Variants in HTR3B observed in about 807,000 individuals in gnomAD.
HTR3B encodes the protein 5-hydroxytryptamine receptor 3B, also known as 5-hydroxytryptamine (serotonin) receptor 3B, ionotropic.
A neutral mutation model predicts 42.8 loss-of-function variants in HTR3B; 44 were observed. That is an observed-to-expected ratio of 1.03 (90% CI 0.81 to 1.32). The LOEUF is 1.32. Among genes scored for constraint, HTR3B ranks in the 40% most tolerant of loss-of-function variants. The pLI is 0.00. For missense variants in HTR3B, 527 were observed against 536.5 expected (o/e 0.98, Z 0.17); for synonymous variants, 203 against 209.0 (o/e 0.97, Z 0.25).
In HTR3B at chr11:113,948,897, G is replaced by T. The variant is rs530912546; in HGVS notation, c.*2760G>T. ...AAAAAAGTTTAAAGTGCTTTGGGAA[G>T]GGGGAGGGATAGCATTAGAAGATAT... On this transcript the variant is annotated 3_prime_UTR_variant, in exon 9 of 9. Transcript: ENST00000260191. 3.3e-5 allele frequency among the ~76,000 whole-genome samples: 5 copies of T among 152,110 alleles called. No homozygotes were observed. In the South Asian group the frequency reaches 8.3e-4, roughly 25 times the overall value.
At chr11:113,929,793 C>G (rs1299126646) in intron 2 of HTR3B, among the ~76,000 whole-genome samples, 1 of 152,138 alleles carries the variant, frequency 6.6e-6, no homozygotes, top group East Asian at 1.9e-4. Flanking sequence ...AGTGCAGTAG[C>G]AGGATCTGGG....
At chr11:113,937,622 G>T (rs1950101612) in intron 6 of HTR3B, among the ~76,000 whole-genome samples, 1 of 152,234 alleles carries the variant, frequency 6.6e-6, no homozygotes, top group African/African-American at 2.4e-5. Flanking sequence ...GAGGTGCAGA[G>T]AAGTTAAGTA....
chr11:113,916,785 AT>A (rs1949858004), intron 2 of HTR3B, among the ~76,000 whole-genome samples: 1 of 152,000 alleles, frequency 6.6e-6, no homozygotes. Flanking sequence ...AGTATTTCAC[AT>A]TTTTTGTTAT....
intron 6 of HTR3B, among the ~76,000 whole-genome samples, chr11:113,934,953 A>G (rs45479092): frequency 0.03 from 4,602 of 151,624 alleles, 123 homozygotes; most frequent in Admixed American, 0.057. Context: ...TGCACACACC[A>G]TTACCTACAC....
rs1032116392 is a variant in HTR3B, at chr11:113,943,014, C to T, written c.729C>T (p.Val243=). The part of the protein sequence containing the change: ...VVMRRHPLVY[V]VSLLIPSIFL... ...TGCGCAGGCACCCCCTGGTCTATGTCGTGAGTCTGCTGATTCCTAGCATCT... is the reference window on the plus strand; with the variant it reads ...TGCGCAGGCACCCCCTGGTCTATGTTGTGAGTCTGCTGATTCCTAGCATCT... Residue 243 remains valine, a synonymous_variant, in exon 7 of 9, where the codon GTC becomes GTT. Coordinates refer to ENST00000260191, the MANE Select transcript of HTR3B (RefSeq NM_006028.5). 9 of 1,613,950 alleles carry T rather than the reference C, an allele frequency of 5.6e-6. No individual in the cohort carries two copies. Among genetic ancestry groups the T allele is most frequent in the Admixed American group, 1.7e-5 (1 of 59,978 alleles).
chr11:113,922,192 T>A (rs147472364), intron 2 of HTR3B, among the ~76,000 whole-genome samples: 1 of 152,270 alleles, frequency 6.6e-6, no homozygotes, highest in African/African-American at 2.4e-5. Flanking sequence ...TCCACTTAAG[T>A]CTGTGTGGAT....
intron 6 of HTR3B, among the ~76,000 whole-genome samples, chr11:113,940,134 G>A (rs547679129): frequency 3.1e-4 from 47 of 152,202 alleles, no homozygotes; most frequent in Non-Finnish European, 5.1e-4. Context: ...TGATCCACCC[G>A]CGTTGGCCTC....
intron 5 of HTR3B, 94 bp from the exon 6 acceptor site, chr11:113,932,842 G>C (rs1173486560): frequency 7.7e-7 from 1 of 1,299,884 alleles, no homozygotes; most frequent in South Asian, 1.3e-5. Flanking sequence ...GGGGGCAGGA[G>C]AACGAGGAAG....
In HTR3B at chr11:113,948,583, A is replaced by C. The variant is rs1001403977; in HGVS notation, c.*2446A>C. On this transcript the variant is annotated 3_prime_UTR_variant, in exon 9 of 9. Transcript: ENST00000260191. ...TGAACAATGCTTTGAAAAGTAAATA[A>C]TGGGGCGTGGTGGCTCACGCCTATA... Among the ~76,000 whole-genome samples the C allele has an allele frequency of 6.6e-6, 1 of 152,194 alleles. No individual in the cohort carries two copies. Among genetic ancestry groups the C allele is most frequent in the African/African-American group, 2.4e-5 (1 of 41,464 alleles).
chr11:113,899,876 C>T (rs1023046489), upstream of HTR3B, among the ~76,000 whole-genome samples: 2 of 152,202 alleles, frequency 1.3e-5, no homozygotes, highest in African/African-American at 4.8e-5. Context: ...CAGGTACTTT[C>T]TTAATGATGG....
In HTR3B at chr11:113,946,701, C is replaced by T. The variant is rs1179457479; in HGVS notation, c.*564C>T. The T allele has an allele frequency of 2.0e-5, 3 of 152,264 alleles. No homozygotes were observed. Among genetic ancestry groups the T allele is most frequent in the Non-Finnish European group, 4.4e-5 (3 of 68,094 alleles). 9.4% of individuals were successfully genotyped at this position (152,264 alleles called of 1,614,324 possible). A position where few individuals can be genotyped will look rare whatever the true frequency, so the allele number is the denominator to read the frequency against. Reference sequence around the variant, plus strand: ...TCCTTCTTATCCCAGTCCACTCACCCAAAGCAACCACTGTTAGTAATTTCT... The same window carrying T: ...TCCTTCTTATCCCAGTCCACTCACCTAAAGCAACCACTGTTAGTAATTTCT... On this transcript the variant is annotated 3_prime_UTR_variant, in exon 9 of 9. Transcript: ENST00000260191.
At chr11:113,937,060 T>C (rs1716710211) in intron 6 of HTR3B, among the ~76,000 whole-genome samples, 1 of 152,222 alleles carries the variant, frequency 6.6e-6, no homozygotes, top group Admixed American at 6.5e-5. Flanking sequence ...ATGGGGAACA[T>C]GGACTGAAAC....
intron 3 of HTR3B, 139 bp from the exon 4 acceptor site, chr11:113,931,619 A>G: frequency 1.5e-6 from 1 of 672,870 alleles, no homozygotes; most frequent in Non-Finnish European, 2.6e-6. Flanking sequence ...TTTAGGATTC[A>G]GATGGGAAGT....
chr11:113,904,250 G>T (rs1375996852), upstream of HTR3B, among the ~76,000 whole-genome samples: 2 of 152,130 alleles, frequency 1.3e-5, no homozygotes, highest in Non-Finnish European at 2.9e-5. Context: ...AAGCCTAGAA[G>T]CATCCTTTCT....
At chr11:113,913,712 G>T (rs1297036825) in intron 2 of HTR3B, among the ~76,000 whole-genome samples, 1 of 149,498 alleles carries the variant, frequency 6.7e-6, no homozygotes. Flanking sequence ...ACAGGGTTTT[G>T]CCATGTTGGC....
chr11:113,928,412 GAA>G (rs763371346), intron 2 of HTR3B, among the ~76,000 whole-genome samples: 1 of 152,130 alleles, frequency 6.6e-6, no homozygotes, highest in Non-Finnish European at 1.5e-5. Context: ...CAGTCTCTAT[GAA>G]TTTCAGTACT....
chr11:113,935,289 C>T (rs918964716), intron 6 of HTR3B, among the ~76,000 whole-genome samples: 1 of 152,034 alleles, frequency 6.6e-6, no homozygotes, highest in Non-Finnish European at 1.5e-5. Context: ...CCCCCGGGTA[C>T]GTTTTGAAGT....
chr11:113,921,135 C>T (rs1326496570), intron 2 of HTR3B, among the ~76,000 whole-genome samples: 2 of 150,256 alleles, frequency 1.3e-5, no homozygotes, highest in Non-Finnish European at 3.0e-5. Context: ...TTCTGACTTC[C>T]TATTTATTTT....
At chr11:113,938,475 A>T (rs893394710) in intron 6 of HTR3B, among the ~76,000 whole-genome samples, 1 of 152,162 alleles carries the variant, frequency 6.6e-6, no homozygotes, top group African/African-American at 2.4e-5. Context: ...CAACTGACTC[A>T]TGAAACACTC....
Sources: gnomAD v4.1 joint callset for allele counts (sites outside exome capture counted in the v4.1 genomes callset) on GRCh38, gnomAD v4.1.1 for gene constraint, MANE v1.5 for transcripts, NCBI Gene and HGNC (gene_info 2026-07-23, HGNC 2026-07-21) for gene names.